C1orf167: variants seen among roughly 807,000 people sequenced by gnomAD.
C1orf167 encodes the protein chromosome 1 open reading frame 167.
C1orf167 carries 153 observed loss-of-function variants against 176.5 expected under a neutral mutation model. That is an observed-to-expected ratio of 0.87 (90% CI 0.76 to 0.99). C1orf167 has a LOEUF of 0.99. Ranked by LOEUF, C1orf167 falls within the 50% of genes least tolerant of loss-of-function variation. C1orf167 has a pLI of 0.00. For missense variants in C1orf167, 1,490 were observed against 1,817.7 expected, an observed-to-expected ratio of 0.82 and a Z score of 3.28; for synonymous variants, 594 against 752.7, an observed-to-expected ratio of 0.79 and a Z score of 3.45.
Position 11,766,117 on chromosome 1 carries a change from C to T in C1orf167, c.331C>T (p.Arg111Cys), listed in dbSNP as rs1439593290. 1.7e-5 allele frequency: 22 copies of T among 1,289,748 alleles called. No homozygotes were observed. Among genetic ancestry groups the T allele is most frequent in the Admixed American group, 2.3e-5 (1 of 43,556 alleles). 79.9% of individuals were successfully genotyped at this position (1,289,748 alleles called of 1,614,324 possible). The change falls in exon 3 of 21, where the codon CGC becomes TGC. Residue 111 changes from arginine (R) to cysteine (C), a missense_variant. Transcript: ENST00000688073. The surrounding 1 kb of genome is among the most constrained non-coding windows in gnomAD (Gnocchi z 4.5). ...QSNLQSLARR[R>C]QGKAREFAIQ... is the part of the protein sequence containing the mutation. ...CAACCTGCAGTCCCTGGCCAGGAGG[C>T]GCCAAGGGAAGGCCCGAGAGTTTGC...
Position 11,785,182 on chromosome 1 carries a change from G to C in C1orf167, c.3460G>C (p.Gly1154Arg). 1 of 1,291,588 alleles carries C rather than the reference G, an allele frequency of 7.7e-7. No individual in the cohort carries two copies. The highest frequency in any genetic ancestry group is 1.0e-6 in the Non-Finnish European group (1 of 988,754). The allele number at this position is 1,291,588 out of a possible 1,614,324, so 80.0% of individuals were successfully genotyped here. A position where few individuals can be genotyped will look rare whatever the true frequency, so the allele number is the denominator to read the frequency against. The change falls in exon 16 of 21, where the codon GGC becomes CGC. Residue 1154 changes from glycine to arginine, a missense_variant. Physicochemically the swap from Gly to Arg is moderately radical, Grantham distance 125. Coordinates refer to ENST00000688073, the MANE Select transcript of C1orf167 (RefSeq NM_001010881.2). Reference protein sequence around the residue: ...LEASVQSAVRGGVQRAILTQL... With the variant: ...LEASVQSAVRRGVQRAILTQL... ...GGCCTCGGTGCAGTCGGCGGTGCGC[G>C]GCGGTGTCCAGCGAGCCATCCTCAC...
chr1:11,764,316 G>T lies in C1orf167; in HGVS notation c.-70-15G>T. Reference sequence around the variant, plus strand: ...GGTTGAATGAGAGCCAGGGCAACCTGTCCTCTCCCCGCAGGGCCCATCTGA... The same window carrying T: ...GGTTGAATGAGAGCCAGGGCAACCTTTCCTCTCCCCGCAGGGCCCATCTGA... On this transcript the variant is annotated splice_polypyrimidine_tract_variant and intron_variant, in intron 1 of 20. Transcript: ENST00000688073. 1 of 1,100,586 alleles carries T rather than the reference G, an allele frequency of 9.1e-7. No individual in the cohort carries two copies. Among genetic ancestry groups the T allele is most frequent in the South Asian group, 1.3e-5 (1 of 77,268 alleles). 68.2% of individuals were successfully genotyped at this position (1,100,586 alleles called of 1,614,324 possible).
At chr1:11,762,745 A>G (rs1642571768) in intron 1 of C1orf167, among the ~76,000 whole-genome samples, 4 of 152,212 alleles carry the variant, frequency 2.6e-5, no homozygotes, top group Admixed American at 2.0e-4. Context: ...CATTTATTCA[A>G]TGTGCATTTA....
Position 11,762,251 on chromosome 1 carries a change from C to G in C1orf167, c.-125C>G, listed in dbSNP as rs575906523. The G allele has an allele frequency of 2.3e-6, 1 of 434,260 alleles. No homozygotes were observed. Among genetic ancestry groups the G allele is most frequent in the South Asian group, 1.6e-5 (1 of 62,146 alleles). 26.9% of individuals were successfully genotyped at this position (434,260 alleles called of 1,614,324 possible). ...CGGGGATCGTTAGCGGTCCCAGCCC[C>G]CGTCTAGATTCAAATCCGACTGGGT... On this transcript the variant is annotated 5_prime_UTR_variant, in exon 1 of 21. Coordinates refer to ENST00000688073, the MANE Select transcript of C1orf167 (RefSeq NM_001010881.2).
chr1:11,783,375 G>A (rs576097520), intron 14 of C1orf167, among the ~76,000 whole-genome samples: 2 of 152,232 alleles, frequency 1.3e-5, no homozygotes, highest in East Asian at 3.9e-4. Flanking sequence ...AGCCTCCCGA[G>A]TAGCTGGGAT....
At chr1:11,776,766 TC>T (rs920979705) in intron 10 of C1orf167, 128 bp downstream of exon 10, 28 of 904,132 alleles carry the variant, frequency 3.1e-5, no homozygotes, top group Middle Eastern at 5.0e-4. Context: ...ATCCCACTCC[TC>T]CCCGTGGCCC....
chr1:11,779,830 A>G lies in C1orf167; in HGVS notation c.2680A>G (p.Thr894Ala). The change falls in exon 13 of 21, where the codon ACA becomes GCA. Residue 894 changes from threonine (T) to alanine (A), a missense_variant. Physicochemically the swap from Thr to Ala is moderately conservative, Grantham distance 58. Transcript: ENST00000688073. Reference sequence around the variant, plus strand: ...CTTCCTCAGCTGGAGCCGCTGGGCAACAGCCCAATGGGCCTGGAGAGAGCT... The same window carrying G: ...CTTCCTCAGCTGGAGCCGCTGGGCAGCAGCCCAATGGGCCTGGAGAGAGCT... ...RIFLSWSRWA[T>A]AQWAWRELAS... 7.7e-7 allele frequency: 1 copy of G among 1,302,512 alleles called. No homozygotes were observed. The highest frequency in any genetic ancestry group is 1.0e-6 in the Non-Finnish European group (1 of 988,376). 80.7% of individuals were successfully genotyped at this position (1,302,512 alleles called of 1,614,324 possible).
chr1:11,789,404 T>A lies in C1orf167; in HGVS notation c.4308T>A (p.Gly1436=). ...AGGAAGCCGCCAGAGCACCGCGGGG[T>A]TGGGGGCTTGGGGCAGAGCATGGGG... ...SGQEAARAPR[G]WGLGAEHGAQ... The change falls in exon 21 of 21, where the codon GGT becomes GGA. Residue 1436 remains glycine (G), a synonymous_variant. Coordinates refer to ENST00000688073, the MANE Select transcript of C1orf167 (RefSeq NM_001010881.2). 3.8e-6 allele frequency: 5 copies of A among 1,301,750 alleles called. No individual in the cohort carries two copies. Among genetic ancestry groups the A allele is most frequent in the Non-Finnish European group, 5.1e-6 (5 of 988,100 alleles). 80.6% of individuals were successfully genotyped at this position (1,301,750 alleles called of 1,614,324 possible).
rs143905094 is a variant in C1orf167, at chr1:11,766,170, C to T, written c.384C>T (p.Asn128=). Reference sequence around the variant, plus strand: ...TCCAGCAGAGCAACCTGAGCATCAACGAGACCAGCAGCCCCCACCTCTGCC... The same window carrying T: ...TCCAGCAGAGCAACCTGAGCATCAATGAGACCAGCAGCCCCCACCTCTGCC... ...FAIQQSNLSI[N]ETSSPHLCPE... The change falls in exon 3 of 21, where the codon AAC becomes AAT. Residue 128 remains asparagine, a synonymous_variant. Coordinates refer to ENST00000688073, the MANE Select transcript of C1orf167 (RefSeq NM_001010881.2). The surrounding 1 kb of genome is among the most constrained non-coding windows in gnomAD (Gnocchi z 4.5). 1,437 of 1,289,832 alleles carry T rather than the reference C, an allele frequency of 1.1e-3. 17 individuals are homozygous for T. The African/African-American group carries it at 0.019, about 17-fold the overall frequency. 79.9% of individuals were successfully genotyped at this position (1,289,832 alleles called of 1,614,324 possible).
At position 11,771,655 on chromosome 1, in the gene C1orf167, G is replaced by A; in HGVS notation, c.1810+19G>A. 7.8e-7 allele frequency: 1 copy of A among 1,286,088 alleles called. No individual in the cohort carries two copies. The highest frequency in any genetic ancestry group is 2.2e-4 in the Middle Eastern group (1 of 4,606). 79.7% of individuals were successfully genotyped at this position (1,286,088 alleles called of 1,614,324 possible). On this transcript the variant is annotated intron_variant, in intron 7 of 20. Transcript: ENST00000688073. ...CTGGCTGGTGAGACGTGGGGTGCTGGGAAAGCGGGGAGATGGAGCCTGGCC... is the reference window on the plus strand; with the variant it reads ...CTGGCTGGTGAGACGTGGGGTGCTGAGAAAGCGGGGAGATGGAGCCTGGCC...
chr1:11,789,355 G>T lies in C1orf167; in HGVS notation c.4259G>T (p.Gly1420Val), dbSNP rs1201595765. The T allele has an allele frequency of 7.7e-7, 1 of 1,303,960 alleles. No homozygotes were observed. The highest frequency in any genetic ancestry group is 2.3e-5 in the Admixed American group (1 of 43,544). The allele number at this position is 1,303,960 out of a possible 1,614,324, so 80.8% of individuals were successfully genotyped here. The change falls in exon 21 of 21, where the codon GGC becomes GTC. Residue 1420 changes from glycine to valine, a missense_variant. Transcript: ENST00000688073. ...ASSPRPWSKP[G>V]PKGPESGQEA... ...AGCCCAAGACCCTGGAGCAAGCCAGGCCCCAAGGGCCCCGAGAGTGGACAG... is the reference window on the plus strand; with the variant it reads ...AGCCCAAGACCCTGGAGCAAGCCAGTCCCCAAGGGCCCCGAGAGTGGACAG...
intron 14 of C1orf167, among the ~76,000 whole-genome samples, chr1:11,783,340 C>G (rs952602754): frequency 2.6e-5 from 4 of 151,814 alleles, no homozygotes; most frequent in African/African-American, 9.7e-5. Context: ...CTCCGCCTCC[C>G]GGGTTCAAGT....
Position 11,766,934 on chromosome 1 carries a change from A to C in C1orf167, c.1148A>C (p.Asp383Ala). Residue 383 changes from aspartate (D) to alanine (A), a missense_variant, in exon 3 of 21, where the codon GAC (aspartate) becomes GCC (alanine). Coordinates refer to ENST00000688073, the MANE Select transcript of C1orf167 (RefSeq NM_001010881.2). This position sits in a 1 kb window ranked among gnomAD's most constrained non-coding sequence, Gnocchi z 4.5. ...LPRGVGSRGT[D>A]PCSSAFSNTA... ...CGAGGGGTGGGAAGCAGGGGGACCGACCCCTGTTCCTCAGCCTTCTCCAAC... is the reference window on the plus strand; with the variant it reads ...CGAGGGGTGGGAAGCAGGGGGACCGCCCCCTGTTCCTCAGCCTTCTCCAAC... 3 of 1,211,904 alleles carry C rather than the reference A, an allele frequency of 2.5e-6. No individual in the cohort carries two copies. The highest frequency in any genetic ancestry group is 3.2e-6 in the Non-Finnish European group (3 of 950,378). 75.1% of individuals were successfully genotyped at this position (1,211,904 alleles called of 1,614,324 possible). A position where few individuals can be genotyped will look rare whatever the true frequency, so the allele number is the denominator to read the frequency against.
Position 11,784,397 on chromosome 1 carries a change from A to C in C1orf167, c.3229A>C (p.Lys1077Gln), listed in dbSNP as rs41275464. Residue 1077 changes from lysine (K) to glutamine (Q), a missense_variant, in exon 15 of 21, where the codon AAG (lysine) becomes CAG (glutamine). Coordinates refer to ENST00000688073, the MANE Select transcript of C1orf167 (RefSeq NM_001010881.2). ...GQQGQEDGQQ[K>Q]KARAPQAFPA... ...GCAAGGCCAGGAAGATGGGCAGCAG[A>C]AGAAGGCCCGGGCCCCACAGGCCTT... The C allele has an allele frequency of 0.085, 110,942 of 1,303,896 alleles. 4,884 individuals carry two copies. The highest frequency in any genetic ancestry group is 0.12 in the Middle Eastern group (564 of 4,580). The allele number at this position is 1,303,896 out of a possible 1,614,324, so 80.8% of individuals were successfully genotyped here.
intron 16 of C1orf167, chr1:11,786,453 TCAGA>T (rs1326504031): frequency 1.4e-4 from 22 of 152,144 alleles, no homozygotes; most frequent in African/African-American, 3.4e-4. Flanking sequence ...TTTTTTGTTC[TCAGA>T]CAGTGTCTCA....
intron 4 of C1orf167, 81 bp from the exon 5 acceptor site, chr1:11,767,996 C>G (rs1180910259): frequency 9.0e-7 from 1 of 1,110,754 alleles, no homozygotes; most frequent in East Asian, 6.0e-5. Flanking sequence ...GGAAAGGCAT[C>G]TCAGAGGGTA....
chr1:11,765,943 G>T lies in C1orf167; in HGVS notation c.157G>T (p.Gly53Trp), dbSNP rs1312701988. Residue 53 changes from glycine (G) to tryptophan (W), a missense_variant, in exon 3 of 21, where the codon GGG (glycine) becomes TGG (tryptophan). Coordinates refer to ENST00000688073, the MANE Select transcript of C1orf167 (RefSeq NM_001010881.2). ...WVPGCQVERGGPAATPSPGAV... is the reference protein window; with the variant it reads ...WVPGCQVERGWPAATPSPGAV... The stretch of plus-strand genomic sequence containing the variant: ...GCCCGGGTGCCAGGTGGAGAGGGGA[G>T]GGCCTGCTGCCACACCCTCCCCAGG... 7.9e-7 allele frequency: 1 copy of T among 1,261,072 alleles called. No homozygotes were observed. The highest frequency in any genetic ancestry group is 1.0e-6 in the Non-Finnish European group (1 of 972,816). 78.1% of individuals were successfully genotyped at this position (1,261,072 alleles called of 1,614,324 possible).
At chr1:11,764,263 G>A in intron 1 of C1orf167, 68 bp from the exon 2 acceptor site, 1 of 580,616 alleles carries the variant, frequency 1.7e-6, no homozygotes, top group Middle Eastern at 3.1e-4. Flanking sequence ...ACTGCTAAAG[G>A]GAGGAGGTAG....
intron 13 of C1orf167, among the ~76,000 whole-genome samples, chr1:11,780,732 G>A (rs942964622): frequency 2.0e-5 from 3 of 152,164 alleles, no homozygotes; most frequent in Non-Finnish European, 2.9e-5. Flanking sequence ...GCCCTTAGGG[G>A]CCAGCAGAGT....
Sources: gnomAD v4.1 joint callset for allele counts (sites outside exome capture counted in the v4.1 genomes callset) on GRCh38, gnomAD v4.1.1 for gene constraint, Gnocchi (gnomAD v3.1) non-coding constraint, MANE v1.5 for transcripts, NCBI Gene and HGNC (gene_info 2026-07-23, HGNC 2026-07-21) for gene names.